The following NGF variants were observed in gnomAD, a reference collection of about 807,000 sequenced individuals.
The protein encoded by NGF is nerve growth factor.
NGF carries 4 observed loss-of-function variants against 12.8 expected under a neutral mutation model. The ratio of observed to expected loss-of-function variants is 0.31; its 90% CI spans 0.15 to 0.72. The LOEUF is 0.72. Among genes scored for constraint, NGF ranks in the 30% least tolerant of loss-of-function variants. NGF has a pLI of 0.69. For synonymous variants in NGF, 140 were observed against 130.0 expected (o/e 1.08, Z -0.52); for missense variants, 283 against 330.8 (o/e 0.86, Z 1.12).
intron 1 of NGF, among the ~76,000 whole-genome samples, chr1:115,311,775 T>C (rs1239779358): frequency 1.3e-5 from 2 of 152,226 alleles, no homozygotes; most frequent in South Asian, 2.1e-4. Flanking sequence ...GTCTGTTTAC[T>C]GAGCATACAA....
At chr1:115,321,578 G>GTGTGTGTGTGTGTGTGTA (rs1654627943) in intron 1 of NGF, among the ~76,000 whole-genome samples, 1 of 3,832 alleles carries the variant, frequency 2.6e-4, no homozygotes, top group Non-Finnish European at 5.5e-4. Context: ...TGTATGGGAT[G>GTGTGTGTGTGTGTGTGTA]TGTGTGTGTG....
intron 1 of NGF, among the ~76,000 whole-genome samples, chr1:115,333,338 T>C (rs1253567367): frequency 1.3e-5 from 2 of 152,102 alleles, no homozygotes; most frequent in Admixed American, 6.5e-5. Flanking sequence ...GGGTGGTTCA[T>C]TCCCACTGAT....
chr1:115,337,623 G>A (rs1163368191), intron 1 of NGF, among the ~76,000 whole-genome samples: 4 of 152,064 alleles, frequency 2.6e-5, no homozygotes, highest in African/African-American at 4.8e-5. Flanking sequence ...TAACCCCCGG[G>A]GCCCTCAGTC....
chr1:115,299,796 C>T (rs1327357322), intron 1 of NGF, among the ~76,000 whole-genome samples: 1 of 152,172 alleles, frequency 6.6e-6, no homozygotes, highest in Admixed American at 6.5e-5. Context: ...AATCCTTAAA[C>T]CACACACACA....
intron 1 of NGF, among the ~76,000 whole-genome samples, chr1:115,305,291 G>C (rs1188406940): frequency 1.3e-5 from 2 of 152,262 alleles, no homozygotes; most frequent in Non-Finnish European, 1.5e-5. Context: ...TCATTTGACA[G>C]ATAAGGAAAC....
intron 1 of NGF, among the ~76,000 whole-genome samples, chr1:115,327,215 C>CT: frequency 6.6e-6 from 1 of 152,278 alleles, no homozygotes; most frequent in East Asian, 1.9e-4. Flanking sequence ...GGAAGATGAA[C>CT]ATTTTGTGCA....
intron 1 of NGF, among the ~76,000 whole-genome samples, chr1:115,334,057 G>T (rs373877075): frequency 6.6e-6 from 1 of 152,078 alleles, no homozygotes; most frequent in African/African-American, 2.4e-5. Flanking sequence ...TGAAGCAGAG[G>T]TGAGAATAAT....
At chr1:115,315,002 A>G (rs959591954) in intron 1 of NGF, among the ~76,000 whole-genome samples, 3 of 152,218 alleles carry the variant, frequency 2.0e-5, no homozygotes, top group Non-Finnish European at 4.4e-5. Context: ...CTATGCAGAA[A>G]TGTGGGAAGG....
chr1:115,307,957 T>G (rs369658230), intron 1 of NGF, among the ~76,000 whole-genome samples: 11 of 152,294 alleles, frequency 7.2e-5, no homozygotes, highest in Non-Finnish European at 1.5e-4. Context: ...GGAAAAGAAA[T>G]TGTGAGTAGA....
chr1:115,337,256 GTTTTGTTT>G (rs1557950704), intron 1 of NGF, among the ~76,000 whole-genome samples: 1 of 27,200 alleles, frequency 3.7e-5, no homozygotes, highest in African/African-American at 1.7e-4. Flanking sequence ...AATTTTTTTT[GTTTTGTTT>G]TTGTTTTTTT....
chr1:115,333,430 C>T (rs1654978309), intron 1 of NGF, among the ~76,000 whole-genome samples: 1 of 145,888 alleles, frequency 6.9e-6, no homozygotes, highest in Admixed American at 7.0e-5. Context: ...CAAAACATCT[C>T]AATCTGCTTA....
intron 1 of NGF, among the ~76,000 whole-genome samples, chr1:115,296,055 G>A: frequency 6.6e-6 from 1 of 152,208 alleles, no homozygotes; most frequent in East Asian, 1.9e-4. Flanking sequence ...GGAGAAATTG[G>A]TTTTATCTGG....
chr1:115,324,391 T>TTGGC (rs1654712998), intron 1 of NGF, among the ~76,000 whole-genome samples: 1 of 152,160 alleles, frequency 6.6e-6, no homozygotes, highest in African/African-American at 2.4e-5. Context: ...GCTTCCTCAA[T>TTGGC]TGGCTCTTCA....
intron 1 of NGF, among the ~76,000 whole-genome samples, chr1:115,327,575 C>T (rs946764963): frequency 1.3e-5 from 2 of 152,186 alleles, no homozygotes; most frequent in East Asian, 1.9e-4. Context: ...TCGTTTCATG[C>T]GTAAGAAACA....
intron 1 of NGF, among the ~76,000 whole-genome samples, chr1:115,337,267 GTTTTTTTTTTTTT>G (rs67307707): frequency 0.22 from 17,567 of 81,632 alleles, 2,421 homozygotes; most frequent in South Asian, 0.33. Context: ...TTTTGTTTTT[GTTTTTTTTTTTTT>G]TTTTTTTTTT....
chr1:115,329,744 CTTTTTTTTTT>C (rs1039991768), intron 1 of NGF, among the ~76,000 whole-genome samples: 7 of 103,980 alleles, frequency 6.7e-5, no homozygotes, highest in South Asian at 6.6e-4. Flanking sequence ...TTCTTTCTTT[CTTTTTTTTTT>C]TTTTTTTTTT....
chr1:115,329,744 C>CTTTTTTTTTTTTTTTT (rs1039991768), intron 1 of NGF, among the ~76,000 whole-genome samples: 8 of 103,984 alleles, frequency 7.7e-5, no homozygotes, highest in Non-Finnish European at 1.3e-4. Context: ...TTCTTTCTTT[C>CTTTTTTTTTTTTTTTT]TTTTTTTTTT....
At position 115,313,390 on chromosome 1, in the gene NGF, G is replaced by T. The variant is rs149432039; in HGVS notation, c.-136-19640C>A. ...ATTGGGCTTGATGAATTCTCAGCAG[G>T]CTGCTGGCCCAGACCCTTAGATGAA... On this transcript the variant is annotated intron_variant, in intron 1 of 2. Transcript: ENST00000369512. Among the ~76,000 whole-genome samples, 552 of 152,278 alleles carry T rather than the reference G, an allele frequency of 3.6e-3. 9 individuals carry two copies. Among genetic ancestry groups the T allele is most frequent in the Admixed American group, 0.013 (198 of 15,288 alleles).
At chr1:115,319,017 C>T (rs936312075) in intron 1 of NGF, among the ~76,000 whole-genome samples, 5 of 152,216 alleles carry the variant, frequency 3.3e-5, no homozygotes, top group African/African-American at 1.2e-4. Flanking sequence ...ATGTTCCTGC[C>T]TGGCTCTCAC....
Sources: allele counts gnomAD v4.1 joint callset (sites outside exome capture counted in the v4.1 genomes callset), GRCh38; gene constraint gnomAD v4.1.1; transcripts MANE v1.5; gene names NCBI Gene and HGNC (gene_info 2026-07-23, HGNC 2026-07-21).